Variants in NOX3 observed in about 807,000 individuals in gnomAD.
The protein encoded by NOX3 is NADPH oxidase catalytic subunit-like 3.
NOX3 carries 74 observed loss-of-function variants against 76.7 expected under a neutral mutation model. The ratio of observed to expected loss-of-function variants is 0.96; its 90% CI spans 0.80 to 1.17. The LOEUF (loss-of-function observed/expected upper bound fraction) is 1.17. Among genes scored for constraint, NOX3 ranks in the 50% most tolerant of loss-of-function variants. The pLI is 0.00. For missense variants in NOX3, 695 were observed against 703.3 expected, an observed-to-expected ratio of 0.99 and a Z score of 0.13; for synonymous variants, 263 against 261.1, an observed-to-expected ratio of 1.01 and a Z score of -0.07.
At chr6:155,424,803 T>C (rs1195682068) in intron 9 of NOX3, among the ~76,000 whole-genome samples, 1 of 152,236 alleles carries the variant, frequency 6.6e-6, no homozygotes. Flanking sequence ...AAAGAAAACC[T>C]GTCCATAGAT....
At chr6:155,439,335 A>C (rs1041731321) in intron 6 of NOX3, among the ~76,000 whole-genome samples, 6 of 152,226 alleles carry the variant, frequency 3.9e-5, no homozygotes, top group Non-Finnish European at 5.9e-5. Context: ...TGAACACATC[A>C]GGGGCTATGC....
At chr6:155,435,740 T>C (rs1027222817) in intron 7 of NOX3, among the ~76,000 whole-genome samples, 4 of 152,234 alleles carry the variant, frequency 2.6e-5, no homozygotes, top group Non-Finnish European at 4.4e-5. Context: ...TGTTCTAAGA[T>C]ACCAGAAGAG....
chr6:155,445,978 ATGC>A (rs1368528544), intron 4 of NOX3, among the ~76,000 whole-genome samples: 33 of 69,622 alleles, frequency 4.7e-4, no homozygotes, highest in African/African-American at 1.9e-3. Flanking sequence ...TAATATATAT[ATGC>A]TATATATATA....
At chr6:155,404,842 T>C (rs1776424155) in intron 12 of NOX3, among the ~76,000 whole-genome samples, 2 of 152,082 alleles carry the variant, frequency 1.3e-5, no homozygotes, top group South Asian at 4.1e-4. Flanking sequence ...ACAGGCAAGA[T>C]GGTGACTGGA....
chr6:155,441,468 C>T (rs988503806), intron 5 of NOX3, among the ~76,000 whole-genome samples: 2 of 152,168 alleles, frequency 1.3e-5, no homozygotes, highest in Admixed American at 6.5e-5. Context: ...AGGCAAATCG[C>T]CATGTCTCTT....
intron 6 of NOX3, among the ~76,000 whole-genome samples, chr6:155,438,929 G>A (rs565832097): frequency 6.6e-6 from 1 of 152,312 alleles, no homozygotes; most frequent in East Asian, 1.9e-4. Context: ...CATTCTTGCT[G>A]GTGTTGAGGA....
chr6:155,419,942 T>C (rs1776668366), intron 10 of NOX3, among the ~76,000 whole-genome samples: 1 of 152,208 alleles, frequency 6.6e-6, no homozygotes, highest in African/African-American at 2.4e-5. Flanking sequence ...CCATTGTTTA[T>C]TCTTTTTGGA....
intron 12 of NOX3, among the ~76,000 whole-genome samples, chr6:155,405,142 C>A (rs968666338): frequency 1.3e-5 from 2 of 152,070 alleles, no homozygotes; most frequent in Non-Finnish European, 2.9e-5. Flanking sequence ...CTGCAGGAAG[C>A]CCACGAGGCA....
At chr6:155,409,161 C>T (rs577857476) in intron 11 of NOX3, among the ~76,000 whole-genome samples, 1 of 152,246 alleles carries the variant, frequency 6.6e-6, no homozygotes, top group East Asian at 1.9e-4. Context: ...CACCAGGTGG[C>T]AGAGCTACTG....
At position 155,411,358 on chromosome 6, in the gene NOX3, C is replaced by T. The variant is rs1219773378; in HGVS notation, c.1311G>A (p.Val437=). ...CATCCCGGCAAATCCAGTAGAAATA[C>T]ACCTGTCAAGAGAGAAGGCAAGTGA... ...EAQTPLKLSK[V]YFYWICRDAR... is the part of the protein sequence containing the mutation. The change falls in exon 11 of 14, where the codon GTG becomes GTA. Residue 437 remains valine, a splice_region_variant and synonymous_variant. Transcript: ENST00000159060. The T allele has an allele frequency of 2.5e-5, 40 of 1,612,716 alleles. No individual in the cohort carries two copies. The highest frequency in any genetic ancestry group is 3.1e-5 in the Non-Finnish European group (37 of 1,179,414).
At chr6:155,425,594 T>A (rs2114691823) in intron 9 of NOX3, among the ~76,000 whole-genome samples, 1 of 152,306 alleles carries the variant, frequency 6.6e-6, no homozygotes, top group South Asian at 2.1e-4. Context: ...AGTAGCTAAC[T>A]CTTTGAGCAC....
rs572049730 is a variant in NOX3, at chr6:155,413,454, G to A, written c.1309-2094C>T. ...GAGTTGGCGAGCAGGGAGTTCCATG[G>A]CCCGCAGCAGGTGGCAGGATCTCTC... On this transcript the variant is annotated intron_variant, in intron 10 of 13. Transcript: ENST00000159060. Among the ~76,000 whole-genome samples the A allele has an allele frequency of 3.9e-5, 6 of 152,036 alleles. No homozygotes were observed. The South Asian group carries it at 1.3e-3, about 32-fold the overall frequency.
chr6:155,439,905 T>C (rs1192940805), intron 6 of NOX3, 51 bp downstream of exon 6: 12 of 1,527,694 alleles, frequency 7.9e-6, no homozygotes, highest in African/African-American at 1.4e-5. Flanking sequence ...TAAGATTATT[T>C]TGGGACTCTC....
intron 10 of NOX3, among the ~76,000 whole-genome samples, chr6:155,415,270 A>T (rs1776609831): frequency 6.6e-6 from 1 of 152,236 alleles, no homozygotes; most frequent in Non-Finnish European, 1.5e-5. Context: ...AAACAGTTTC[A>T]GAAAATGAAT....
At chr6:155,414,785 G>T (rs774441297) in intron 10 of NOX3, among the ~76,000 whole-genome samples, 22 of 151,960 alleles carry the variant, frequency 1.4e-4, no homozygotes, top group Non-Finnish European at 2.9e-4. Context: ...GTGCCACCAT[G>T]CACGACGAAG....
chr6:155,416,136 C>A (rs1039935787), intron 10 of NOX3, among the ~76,000 whole-genome samples: 1 of 152,224 alleles, frequency 6.6e-6, no homozygotes, highest in Admixed American at 6.5e-5. Context: ...TGACCATCGC[C>A]TCCTCAAGGA....
rs533793580 is a variant in NOX3, at chr6:155,436,500, A to T, written c.716T>A (p.Ile239Asn). 17 of 1,614,134 alleles carry T rather than the reference A, an allele frequency of 1.1e-5. No homozygotes were observed. The African/African-American group carries it at 2.1e-4, about 20-fold the overall frequency. The change falls in exon 7 of 14, where the codon ATC (isoleucine) becomes AAC (asparagine). Residue 239 changes from isoleucine to asparagine, a missense_variant. By Grantham distance (149) the Ile-to-Asn change is moderately radical. Transcript: ENST00000159060. ...TGCATAGCGGTCTCTACAGAAGGTGATGTTGTGCAGAGAGAGACTGTCTTG... is the reference window on the plus strand; with the variant it reads ...TGCATAGCGGTCTCTACAGAAGGTGTTGTTGTGCAGAGAGAGACTGTCTTG... ...QTQDSLSLHN[I>N]TFCRDRYAEW...
At chr6:155,441,988 A>G (rs759593873) in intron 5 of NOX3, among the ~76,000 whole-genome samples, 13 of 152,266 alleles carry the variant, frequency 8.5e-5, no homozygotes, top group East Asian at 1.9e-4. Flanking sequence ...GCTCAAGCCG[A>G]GCGCGGTGGC....
intron 10 of NOX3, among the ~76,000 whole-genome samples, chr6:155,418,557 T>G (rs991349400): frequency 6.6e-6 from 1 of 152,192 alleles, no homozygotes; most frequent in Admixed American, 6.5e-5. Flanking sequence ...AATCCCCTCC[T>G]GCCCATTCTT....
Sources: allele counts gnomAD v4.1 joint callset (sites outside exome capture counted in the v4.1 genomes callset), GRCh38; gene constraint gnomAD v4.1.1; transcripts MANE v1.5; gene names NCBI Gene and HGNC (gene_info 2026-07-23, HGNC 2026-07-21).